EIF2AK4: variants seen among roughly 807,000 people sequenced by gnomAD.
The protein encoded by EIF2AK4 is eIF-2-alpha kinase GCN2.
EIF2AK4 carries 139 observed loss-of-function variants against 211.1 expected under a neutral mutation model. The observed-to-expected ratio is 0.66, with a 90% CI of 0.57 to 0.76. The LOEUF (loss-of-function observed/expected upper bound fraction) is 0.76. Among genes scored for constraint, EIF2AK4 ranks in the 30% least tolerant of loss-of-function variants. The pLI is 0.00. For missense variants in EIF2AK4, 1,664 were observed against 2,043.8 expected, an observed-to-expected ratio of 0.81 and a Z score of 3.58; for synonymous variants, 710 against 751.3, an observed-to-expected ratio of 0.94 and a Z score of 0.90.
chr15:40,003,242 AT>A lies in EIF2AK4; in HGVS notation c.3286del (p.Tyr1096MetfsTer17). The A allele has an allele frequency of 1.2e-6, 2 of 1,614,222 alleles. No homozygotes were observed. The highest frequency in any genetic ancestry group is 1.7e-6 in the Non-Finnish European group (2 of 1,180,038). Reference protein sequence around the residue: ...PLLLPRNRQIYEHNEAALFMD... With the variant: ...PLLLPRNRQIXEHNEAALFMD... ...TACTGCTTCCCCGAAACAGACAAAT[AT>A]ATGAGCACAACGAAGCTGCCCTATT... On this transcript the variant is annotated frameshift_variant, in exon 23 of 39. Transcript: ENST00000263791. LOFTEE classifies it high-confidence loss of function.
intron 18 of EIF2AK4, among the ~76,000 whole-genome samples, chr15:39,996,541 C>CA (rs1199227119): frequency 6.6e-6 from 1 of 152,028 alleles, no homozygotes; most frequent in African/African-American, 2.4e-5. Context: ...CCACTCTGTA[C>CA]AAAAAATACA....
intron 3 of EIF2AK4, among the ~76,000 whole-genome samples, chr15:39,947,202 A>G (rs1450580159): frequency 6.6e-6 from 1 of 152,240 alleles, no homozygotes; most frequent in Non-Finnish European, 1.5e-5. Flanking sequence ...AGTACTGGAA[A>G]GTCTAAAATA....
chr15:39,979,462 G>A (rs1174388826), intron 13 of EIF2AK4, among the ~76,000 whole-genome samples: 1 of 152,104 alleles, frequency 6.6e-6, no homozygotes, highest in Admixed American at 6.5e-5. Context: ...ATCAACATCT[G>A]GCATCCCTCA....
At chr15:39,955,217 T>G (rs1025883827) in intron 5 of EIF2AK4, among the ~76,000 whole-genome samples, 6 of 152,244 alleles carry the variant, frequency 3.9e-5, no homozygotes, top group African/African-American at 1.4e-4. Context: ...GCATTTTCAT[T>G]TATAAAATTT....
intron 4 of EIF2AK4, 80 bp downstream of exon 4, chr15:39,949,348 C>A (rs951496835): frequency 6.5e-7 from 1 of 1,544,324 alleles, no homozygotes; most frequent in Non-Finnish European, 8.8e-7. Context: ...CTGTCTCTGC[C>A]TACAAACTTA....
chr15:40,024,403 CTTTT>C (rs554877205), intron 32 of EIF2AK4, among the ~76,000 whole-genome samples: 1 of 90,762 alleles, frequency 1.1e-5, no homozygotes, highest in Admixed American at 1.4e-4. Context: ...TTGAGTTTTC[CTTTT>C]TTTTTTTTTT....
rs751145879 is a variant in EIF2AK4, at chr15:39,992,765, A to T, written c.2687-4A>T. On this transcript the variant is annotated splice_region_variant and splice_polypyrimidine_tract_variant and intron_variant, in intron 17 of 38. Transcript: ENST00000263791. ...ACGTTTTCCCTCTGTTTTCCTCCAC[A>T]CAGGTCACTTAACTGGGATGGTTGG... 9 of 1,613,834 alleles carry T rather than the reference A, an allele frequency of 5.6e-6. No homozygotes were observed. In the Admixed American group the frequency reaches 1.5e-4, roughly 27 times the overall value.
chr15:39,934,429 C>G, intron 1 of EIF2AK4, 90 bp downstream of exon 1: 1 of 1,476,390 alleles, frequency 6.8e-7, no homozygotes, highest in Non-Finnish European at 9.0e-7. Context: ...ATTGGGCCGC[C>G]GCTTTAGGAT....
chr15:40,004,701 T>TCGC (rs1159510751), intron 23 of EIF2AK4, among the ~76,000 whole-genome samples: 1 of 152,086 alleles, frequency 6.6e-6, no homozygotes, highest in Non-Finnish European at 1.5e-5. Flanking sequence ...AGGGCAAGAC[T>TCGC]CTGTCTCAAA....
chr15:39,950,188 A>G (rs935809818), intron 4 of EIF2AK4, among the ~76,000 whole-genome samples: 1 of 152,194 alleles, frequency 6.6e-6, no homozygotes, highest in African/African-American at 2.4e-5. Context: ...TCTTTAAACT[A>G]TATGTTTAAA....
At chr15:39,976,122 ATTGGAAAAGCAGGGAGGTAACTG>A (rs2034689032) in intron 11 of EIF2AK4, among the ~76,000 whole-genome samples, 1 of 152,252 alleles carries the variant, frequency 6.6e-6, no homozygotes, top group Admixed American at 6.5e-5. Context: ...TAGCAGATAC[ATTGGAAAAGCAGGGAGGTAACTG>A]TCAGTAAAAT....
chr15:40,002,027 TA>T (rs2035099967), intron 21 of EIF2AK4, among the ~76,000 whole-genome samples: 1 of 152,218 alleles, frequency 6.6e-6, no homozygotes, highest in African/African-American at 2.4e-5. Flanking sequence ...TATTCTCTAT[TA>T]TGTTTCTGTT....
At position 40,022,573 on chromosome 15, in the gene EIF2AK4, C is replaced by G. The variant is rs1458136087; in HGVS notation, c.4357C>G (p.Leu1453Val). ...ACATCATGAAATCACCTATGTGGCCCTTGTCTCGGATAAAGAAGGAAGCCA... is the reference window on the plus strand; with the variant it reads ...ACATCATGAAATCACCTATGTGGCCGTTGTCTCGGATAAAGAAGGAAGCCA... ...CRHHEITYVA[L>V]VSDKEGSHVK... The change falls in exon 32 of 39, where the codon CTT becomes GTT. Residue 1453 changes from leucine (L) to valine (V), a missense_variant. By Grantham distance (32) the Leu-to-Val change is conservative. Transcript: ENST00000263791. 6.2e-7 allele frequency: 1 copy of G among 1,614,190 alleles called. No individual in the cohort carries two copies. Among genetic ancestry groups the G allele is most frequent in the East Asian group, 2.2e-5 (1 of 44,886 alleles).
At chr15:40,023,952 CTTT>C (rs1296043071) in intron 32 of EIF2AK4, among the ~76,000 whole-genome samples, 3 of 152,256 alleles carry the variant, frequency 2.0e-5, no homozygotes, top group African/African-American at 7.2e-5. Flanking sequence ...TTTTTACATT[CTTT>C]GTTAAAAAAC....
intron 8 of EIF2AK4, among the ~76,000 whole-genome samples, chr15:39,967,068 A>C (rs1444675848): frequency 6.6e-6 from 1 of 152,232 alleles, no homozygotes; most frequent in Non-Finnish European, 1.5e-5. Context: ...GTATATGCAT[A>C]GTAGGTTTTG....
intron 9 of EIF2AK4, among the ~76,000 whole-genome samples, chr15:39,969,587 C>T (rs1274861930): frequency 6.6e-6 from 1 of 152,104 alleles, no homozygotes; most frequent in Non-Finnish European, 1.5e-5. Context: ...GTCTCAATCT[C>T]CTGACCTCGT....
At chr15:39,977,223 C>G (rs2034712387) in intron 12 of EIF2AK4, 1 of 176,568 alleles carries the variant, frequency 5.7e-6, no homozygotes, top group Admixed American at 6.3e-5. Context: ...TTTTAGGCAC[C>G]AGGGACTGGT....
intron 12 of EIF2AK4, 43 bp downstream of exon 12, chr15:39,976,887 A>G (rs765130731): frequency 7.7e-5 from 109 of 1,420,520 alleles, no homozygotes; most frequent in Middle Eastern, 3.7e-4. Context: ...TGCGCCCCCT[A>G]GTTTCCTTTC....
At chr15:39,936,146 T>G (rs538940542) in intron 1 of EIF2AK4, among the ~76,000 whole-genome samples, 9 of 152,178 alleles carry the variant, frequency 5.9e-5, no homozygotes, top group Non-Finnish European at 7.3e-5. Context: ...GTAGGGATAT[T>G]GATAACCTCA....
Sources: gnomAD v4.1 joint callset for allele counts (sites outside exome capture counted in the v4.1 genomes callset) on GRCh38, gnomAD v4.1.1 for gene constraint, MANE v1.5 for transcripts, NCBI Gene and HGNC (gene_info 2026-07-23, HGNC 2026-07-21) for gene names.